The following FRMD4B variants were observed in gnomAD, a reference collection of about 807,000 sequenced individuals.
FRMD4B encodes the protein FERM domain containing 4B, also known as FERM domain-containing protein 4B.
Under a neutral mutation model 141.5 loss-of-function variants are expected in FRMD4B, and 74 were observed. The ratio of observed to expected loss-of-function variants is 0.52; its 90% CI spans 0.43 to 0.63. The LOEUF (loss-of-function observed/expected upper bound fraction) is 0.63, where lower values mean the gene tolerates loss of function less well. Among genes scored for constraint, FRMD4B ranks in the 30% least tolerant of loss-of-function variants. The pLI is 0.00. For synonymous variants in FRMD4B, 506 were observed against 467.9 expected, an observed-to-expected ratio of 1.08 and a Z score of -1.05; for missense variants, 1,366 against 1,253.4, an observed-to-expected ratio of 1.09 and a Z score of -1.36.
chr3:69,174,831 T>A (rs1321720200), intron 22 of FRMD4B, among the ~76,000 whole-genome samples: 1 of 152,190 alleles, frequency 6.6e-6, no homozygotes, highest in Non-Finnish European at 1.5e-5. Flanking sequence ...GAAAATAATT[T>A]GCAAATATAT....
chr3:69,407,987 G>A (rs1559518893), intron 2 of FRMD4B, among the ~76,000 whole-genome samples: 1 of 152,100 alleles, frequency 6.6e-6, no homozygotes, highest in Admixed American at 6.5e-5. Context: ...TAGGTCATCC[G>A]GCTCAGCACA....
At chr3:69,438,703 G>A (rs1705297648) in intron 1 of FRMD4B, among the ~76,000 whole-genome samples, 1 of 152,004 alleles carries the variant, frequency 6.6e-6, no homozygotes, top group Non-Finnish European at 1.5e-5. Context: ...GTTGAGGGAG[G>A]GATGCTGGGG....
chr3:69,357,851 A>C (rs1025213741), intron 1 of FRMD4B, among the ~76,000 whole-genome samples: 25 of 152,224 alleles, frequency 1.6e-4, no homozygotes, highest in African/African-American at 6.0e-4. Flanking sequence ...GTTTGCACTA[A>C]AGAAAAAATA....
At chr3:69,437,508 G>C (rs1480820021) in intron 1 of FRMD4B, among the ~76,000 whole-genome samples, 2 of 143,596 alleles carry the variant, frequency 1.4e-5, no homozygotes, top group Non-Finnish European at 3.0e-5. Context: ...AACATACACT[G>C]TTATATGTAG....
chr3:69,466,635 T>C (rs1477187430), intron 1 of FRMD4B, among the ~76,000 whole-genome samples: 1 of 152,232 alleles, frequency 6.6e-6, no homozygotes, highest in South Asian at 2.1e-4. Context: ...CATTTTGCCT[T>C]TGTTTATGTT....
chr3:69,302,275 A>C (rs1701241400), intron 4 of FRMD4B, 68 bp downstream of exon 4: 1 of 789,504 alleles, frequency 1.3e-6, no homozygotes, highest in Non-Finnish European at 2.2e-6. Context: ...AATAGCAAAG[A>C]AAACACACAA....
chr3:69,496,641 G>GAGAGAA (rs1706401420), intron 1 of FRMD4B, among the ~76,000 whole-genome samples: 2 of 60,390 alleles, frequency 3.3e-5, no homozygotes, highest in Admixed American at 1.7e-4. Context: ...GAGAGAAAGA[G>GAGAGAA]AGAGAGAGAG....
intron 1 of FRMD4B, among the ~76,000 whole-genome samples, chr3:69,483,869 A>G (rs1706170590): frequency 6.6e-6 from 1 of 152,238 alleles, no homozygotes; most frequent in Non-Finnish European, 1.5e-5. Flanking sequence ...AATAAAAACC[A>G]GTCACATTCA....
At chr3:69,477,990 G>C (rs1260411181) in intron 1 of FRMD4B, among the ~76,000 whole-genome samples, 41 of 151,644 alleles carry the variant, frequency 2.7e-4, no homozygotes, top group Admixed American at 2.7e-3. Flanking sequence ...GTTTATTTGC[G>C]TAGAGGTGTT....
At chr3:69,267,054 T>C (rs949925939) in intron 5 of FRMD4B, among the ~76,000 whole-genome samples, 1 of 152,174 alleles carries the variant, frequency 6.6e-6, no homozygotes, top group Middle Eastern at 3.2e-3. Flanking sequence ...GGAGAACTAA[T>C]AAAGAATACA....
intron 16 of FRMD4B, among the ~76,000 whole-genome samples, 188 bp from the exon 17 acceptor site, chr3:69,194,061 C>G (rs1037320260): frequency 3.9e-5 from 6 of 152,234 alleles, no homozygotes. Context: ...TTCAACTTCT[C>G]ATTAGTCCAA....
At chr3:69,220,989 G>A (rs1188084824) in intron 9 of FRMD4B, among the ~76,000 whole-genome samples, 1 of 150,678 alleles carries the variant, frequency 6.6e-6, no homozygotes, top group East Asian at 1.9e-4. Context: ...TTGAGACAGA[G>A]TTTCTTTATT....
intron 5 of FRMD4B, among the ~76,000 whole-genome samples, chr3:69,266,193 C>T (rs141377945): frequency 6.6e-6 from 1 of 151,226 alleles, no homozygotes; most frequent in Non-Finnish European, 1.5e-5. Context: ...CAGAGTGAGA[C>T]CTTGTCTCAA....
intron 1 of FRMD4B, among the ~76,000 whole-genome samples, chr3:69,476,812 G>T (rs1465461052): frequency 1.3e-5 from 2 of 152,204 alleles, no homozygotes; most frequent in African/African-American, 4.8e-5. Flanking sequence ...CTATTTTCAC[G>T]ATATTGATTC....
intron 1 of FRMD4B, among the ~76,000 whole-genome samples, chr3:69,321,400 C>T (rs777601698): frequency 1.8e-4 from 27 of 152,104 alleles, no homozygotes; most frequent in Admixed American, 9.2e-4. Flanking sequence ...TTGACCTTTT[C>T]GAAAGCCTAG....
intron 1 of FRMD4B, among the ~76,000 whole-genome samples, chr3:69,324,184 G>C (rs1702106117): frequency 6.6e-6 from 1 of 152,214 alleles, no homozygotes; most frequent in Non-Finnish European, 1.5e-5. Flanking sequence ...TTCCATGGCT[G>C]TGTCATGCAT....
At chr3:69,292,003 A>T (rs542510572) in intron 4 of FRMD4B, among the ~76,000 whole-genome samples, 1 of 150,606 alleles carries the variant, frequency 6.6e-6, no homozygotes, top group Admixed American at 6.6e-5. Context: ...GAAAGCTTAG[A>T]TACAGAGATG....
intron 1 of FRMD4B, among the ~76,000 whole-genome samples, chr3:69,496,621 G>C (rs1268912204): frequency 8.6e-6 from 1 of 116,306 alleles, no homozygotes; most frequent in Non-Finnish European, 1.8e-5. Context: ...GTGAGAGAGA[G>C]AGAGAGAGAG....
intron 1 of FRMD4B, among the ~76,000 whole-genome samples, chr3:69,484,866 C>G (rs1706187223): frequency 6.6e-6 from 1 of 152,110 alleles, no homozygotes; most frequent in Non-Finnish European, 1.5e-5. Context: ...CGTCCATGGG[C>G]AGCCATGGGC....
Sources: gnomAD v4.1 joint callset for allele counts (sites outside exome capture counted in the v4.1 genomes callset) on GRCh38, gnomAD v4.1.1 for gene constraint, MANE v1.5 for transcripts, NCBI Gene and HGNC (gene_info 2026-07-23, HGNC 2026-07-21) for gene names.